NAV3: variants seen among roughly 807,000 people sequenced by gnomAD.
NAV3 encodes the protein neuron navigator 3, also known as pore membrane and/or filament interacting like protein 1.
A neutral mutation model predicts 244.7 loss-of-function variants in NAV3; 87 were observed. That is an observed-to-expected ratio of 0.36 (90% CI 0.30 to 0.42). The LOEUF (loss-of-function observed/expected upper bound fraction) is 0.42. Ranked by LOEUF, NAV3 falls within the 20% of genes least tolerant of loss-of-function variation. NAV3 has a pLI of 1.00. For missense variants in NAV3, 2,663 were observed against 2,893.3 expected, an observed-to-expected ratio of 0.92 and a Z score of 1.83; for synonymous variants, 1,126 against 1,042.2, an observed-to-expected ratio of 1.08 and a Z score of -1.55.
chr12:78,046,206 A>C lies in NAV3; in HGVS notation c.2024-3787A>C, dbSNP rs146983507. 4.1e-4 allele frequency among the ~76,000 whole-genome samples: 63 copies of C among 152,146 alleles called. No homozygotes were observed. In the East Asian group the frequency reaches 0.012, roughly 28 times the overall value. ...AGCTATGGATTTATTGATTTTTTGAAGGGTTTTTGTGTCTCTATCTCCTTC... is the reference window on the plus strand; with the variant it reads ...AGCTATGGATTTATTGATTTTTTGACGGGTTTTTGTGTCTCTATCTCCTTC... On this transcript the variant is annotated intron_variant, in intron 9 of 39. Coordinates refer to ENST00000397909, the MANE Select transcript of NAV3 (RefSeq NM_001024383.2).
chr12:77,938,290 T>C (rs1231067249), intron 1 of NAV3, among the ~76,000 whole-genome samples: 1 of 152,112 alleles, frequency 6.6e-6, no homozygotes, highest in Non-Finnish European at 1.5e-5. Flanking sequence ...ACAAATATAA[T>C]CAAATCTTAA....
chr12:77,875,293 CA>C (rs1881683223), intron 1 of NAV3, among the ~76,000 whole-genome samples: 2 of 152,034 alleles, frequency 1.3e-5, no homozygotes, highest in South Asian at 2.1e-4. Context: ...TAGGTATCCA[CA>C]AGGGTCATCC....
At chr12:78,000,110 G>A (rs1424168251) in intron 7 of NAV3, among the ~76,000 whole-genome samples, 1 of 152,088 alleles carries the variant, frequency 6.6e-6, no homozygotes, top group Non-Finnish European at 1.5e-5. Flanking sequence ...GCATCTATTA[G>A]TAAAATTCTG....
At chr12:78,155,074 A>G (rs1026237697) in intron 22 of NAV3, among the ~76,000 whole-genome samples, 4 of 152,016 alleles carry the variant, frequency 2.6e-5, no homozygotes, top group African/African-American at 7.2e-5. Flanking sequence ...GGTTTGTTAC[A>G]TGGGTCAACA....
At chr12:77,810,007 A>G (rs1872201800) in intron 2 of NAV3, among the ~76,000 whole-genome samples, 1 of 152,238 alleles carries the variant, frequency 6.6e-6, no homozygotes, top group South Asian at 2.1e-4. Flanking sequence ...TAAATTAAGT[A>G]TATATTACAA....
intron 1 of NAV3, among the ~76,000 whole-genome samples, chr12:77,895,543 T>C (rs7978595): frequency 0.36 from 54,904 of 151,870 alleles, 10,420 homozygotes; most frequent in African/African-American, 0.47. Context: ...TTATTTTTGC[T>C]TTGATTTTAT....
intron 2 of NAV3, among the ~76,000 whole-genome samples, chr12:77,708,560 T>C (rs1875947562): frequency 6.6e-6 from 1 of 152,202 alleles, no homozygotes; most frequent in Non-Finnish European, 1.5e-5. Flanking sequence ...TGGTTCCATA[T>C]GAACTTTAAA....
chr12:77,999,685 A>G (rs1872910451), intron 7 of NAV3, among the ~76,000 whole-genome samples: 1 of 152,202 alleles, frequency 6.6e-6, no homozygotes, highest in Non-Finnish European at 1.5e-5. Flanking sequence ...GGAAGTTAGG[A>G]ATGTTTTCTT....
intron 38 of NAV3, among the ~76,000 whole-genome samples, chr12:78,200,994 C>CTCCG (rs1022550812): frequency 1.3e-5 from 2 of 148,612 alleles, no homozygotes; most frequent in Admixed American, 1.3e-4. Context: ...TCCTTCCTCA[C>CTCCG]TCCCTCCCTC....
intron 1 of NAV3, among the ~76,000 whole-genome samples, chr12:77,856,102 T>C (rs923248401): frequency 6.6e-6 from 1 of 152,160 alleles, no homozygotes; most frequent in Admixed American, 6.5e-5. Context: ...TTAAGAAACG[T>C]TCTTTATTGT....
At chr12:78,038,137 G>A (rs1880229249) in intron 9 of NAV3, among the ~76,000 whole-genome samples, 1 of 152,152 alleles carries the variant, frequency 6.6e-6, no homozygotes, top group African/African-American at 2.4e-5. Context: ...TGATTCTATA[G>A]TTTGTGACTA....
At chr12:78,068,881 A>C (rs1033947845) in intron 12 of NAV3, among the ~76,000 whole-genome samples, 2 of 151,688 alleles carry the variant, frequency 1.3e-5, no homozygotes, top group African/African-American at 4.8e-5. Context: ...ATGATGAGAG[A>C]TATCCTAGCT....
chr12:77,628,496 G>T (rs1871737364), intron 2 of NAV3, among the ~76,000 whole-genome samples: 1 of 152,138 alleles, frequency 6.6e-6, no homozygotes, highest in Admixed American at 6.5e-5. Flanking sequence ...ACAATTATCA[G>T]TAAAATATGT....
chr12:77,791,633 T>C (rs1332369362), intron 2 of NAV3, among the ~76,000 whole-genome samples: 1 of 152,172 alleles, frequency 6.6e-6, no homozygotes, highest in Non-Finnish European at 1.5e-5. Context: ...CACTATCCCA[T>C]TGTTGACTTC....
At chr12:77,599,332 C>T (rs545704509) in intron 2 of NAV3, among the ~76,000 whole-genome samples, 37 of 152,032 alleles carry the variant, frequency 2.4e-4, no homozygotes, top group Non-Finnish European at 4.4e-4. Flanking sequence ...ATTTAGTAGA[C>T]TTTTATTCAA....
rs1398147590 is a variant in NAV3 at position 78,050,936 on chromosome 12, A to G, written c.2305A>G (p.Ser769Gly). The change falls in exon 11 of 40, where the codon AGT becomes GGT. Residue 769 changes from serine to glycine, a missense_variant. Around this residue, in one of 6 missense-constraint regions of NAV3, gnomAD observed 1,521 missense variants for 1,497.0 expected, o/e 1.02. Transcript: ENST00000397909. ...LGAGYPRSGT[S>G]RFIHTDPSRF... ...TGCTGGCTATCCTCGCAGTGGTACC[A>G]GTCGATTCATCCACACAGACCCCTC... 1.2e-6 allele frequency: 2 copies of G among 1,613,948 alleles called. No individual in the cohort carries two copies. Among genetic ancestry groups the G allele is most frequent in the East Asian group, 2.2e-5 (1 of 44,852 alleles).
intron 30 of NAV3, among the ~76,000 whole-genome samples, chr12:78,184,489 T>G (rs1482423986): frequency 6.6e-6 from 1 of 151,850 alleles, no homozygotes; most frequent in African/African-American, 2.4e-5. Context: ...GGAGATTATC[T>G]TTGATGATTT....
chr12:78,028,660 A>T (rs1878476730), intron 9 of NAV3, among the ~76,000 whole-genome samples: 1 of 152,184 alleles, frequency 6.6e-6, no homozygotes, highest in African/African-American at 2.4e-5. Context: ...GTTTATTATT[A>T]TGCTAACAAA....
chr12:77,625,437 G>T (rs1322692766), intron 2 of NAV3, among the ~76,000 whole-genome samples: 1 of 152,092 alleles, frequency 6.6e-6, no homozygotes, highest in African/African-American at 2.4e-5. Context: ...ACCCCAGGGT[G>T]TGGATTTAAG....
Sources: allele counts gnomAD v4.1 joint callset (sites outside exome capture counted in the v4.1 genomes callset), GRCh38; gene constraint gnomAD v4.1.1; regional missense constraint gnomAD v4.1.1; transcripts MANE v1.5; gene names NCBI Gene and HGNC (gene_info 2026-07-23, HGNC 2026-07-21).